The following SCAF4 variants were observed in gnomAD, a reference collection of about 807,000 sequenced individuals.
The protein encoded by SCAF4 is SR-related and CTD-associated factor 4.
Under a neutral mutation model 129.8 loss-of-function variants are expected in SCAF4, and 25 were observed. The ratio of observed to expected loss-of-function variants is 0.19; its 90% CI spans 0.14 to 0.27. The LOEUF (loss-of-function observed/expected upper bound fraction) is 0.27. SCAF4 is among the 10% of genes least tolerant of loss of function. The probability of loss-of-function intolerance (pLI) is 1.00; values close to 1 mark genes in which losing one functional copy is unlikely to be tolerated. For synonymous variants in SCAF4, 551 were observed against 497.7 expected, an observed-to-expected ratio of 1.11 and a Z score of -1.43; for missense variants, 1,246 against 1,457.1, an observed-to-expected ratio of 0.86 and a Z score of 2.36.
At chr21:31,707,985 G>C (rs1872050770) in intron 1 of SCAF4, among the ~76,000 whole-genome samples, 1 of 152,142 alleles carries the variant, frequency 6.6e-6, no homozygotes, top group Middle Eastern at 3.2e-3. Flanking sequence ...TTTAATAAAA[G>C]GATTCTCTAA....
At chr21:31,716,493 A>G (rs1157162781) in intron 1 of SCAF4, among the ~76,000 whole-genome samples, 1 of 152,194 alleles carries the variant, frequency 6.6e-6, no homozygotes, top group East Asian at 1.9e-4. Flanking sequence ...AACTTAATAT[A>G]TCAAAGACAC....
Position 31,696,098 on chromosome 21 carries a change from GA to G in SCAF4, c.1068+14del. The stretch of plus-strand genomic sequence containing the variant: ...GAATAGATCTTTCTTTGAACTGCAA[GA>G]AAAATGCTTGTACCTGATGGTGCAT... On this transcript the variant is annotated intron_variant, in intron 9 of 19. Coordinates refer to ENST00000286835, the MANE Select transcript of SCAF4 (RefSeq NM_020706.2). 1.3e-6 allele frequency: 2 copies of G among 1,579,370 alleles called. No homozygotes were observed. The highest frequency in any genetic ancestry group is 1.7e-6 in the Non-Finnish European group (2 of 1,149,060).
Position 31,671,677 on chromosome 21 carries a change from G to A in SCAF4, c.3166C>T (p.His1056Tyr). Residue 1056 changes from histidine (H) to tyrosine (Y), a missense_variant, in exon 20 of 20, where the codon CAT becomes TAT. Physicochemically the swap from His to Tyr is moderately conservative, Grantham distance 83. Coordinates refer to ENST00000286835, the MANE Select transcript of SCAF4 (RefSeq NM_020706.2). ...CTAGAATCTCTCTCTCTGTCTCGATGCCCACTAGAGCGTCTATTTCTCTCT... is the reference window on the plus strand; with the variant it reads ...CTAGAATCTCTCTCTCTGTCTCGATACCCACTAGAGCGTCTATTTCTCTCT... ...LEERNRRSSG[H>Y]RDRERDSRDR... The A allele has an allele frequency of 6.2e-7, 1 of 1,613,450 alleles. No individual in the cohort carries two copies. Among genetic ancestry groups the A allele is most frequent in the Non-Finnish European group, 8.5e-7 (1 of 1,179,540 alleles).
At chr21:31,685,310 C>T in intron 18 of SCAF4, 70 bp from the exon 19 acceptor site, 5 of 1,493,834 alleles carry the variant, frequency 3.3e-6, no homozygotes, top group Non-Finnish European at 3.7e-6. Flanking sequence ...ATTCTTATGC[C>T]ATACTATAGA....
At chr21:31,687,200 A>T (rs2050146461) in intron 16 of SCAF4, among the ~76,000 whole-genome samples, 4 of 152,248 alleles carry the variant, frequency 2.6e-5, no homozygotes, top group Admixed American at 2.6e-4. Flanking sequence ...AAGGAAGACA[A>T]GAAAAATCCA....
intron 19 of SCAF4, among the ~76,000 whole-genome samples, chr21:31,675,070 T>C (rs945399115): frequency 2.0e-5 from 3 of 152,162 alleles, no homozygotes; most frequent in Non-Finnish European, 2.9e-5. Context: ...AAGACATTAC[T>C]AGCAGCTTTT....
chr21:31,717,691 T>C (rs2050951275), intron 1 of SCAF4, among the ~76,000 whole-genome samples: 1 of 151,546 alleles, frequency 6.6e-6, no homozygotes, highest in African/African-American at 2.4e-5. Flanking sequence ...CTTTCAAAAT[T>C]AGTAAATTTT....
At chr21:31,727,669 G>A (rs2051240267) in intron 1 of SCAF4, among the ~76,000 whole-genome samples, 1 of 151,998 alleles carries the variant, frequency 6.6e-6, no homozygotes, top group African/African-American at 2.4e-5. Context: ...GTGTGCTCCT[G>A]TAGTCCCAGC....
At chr21:31,701,446 T>C (rs1237297825) in intron 6 of SCAF4, among the ~76,000 whole-genome samples, 1 of 152,158 alleles carries the variant, frequency 6.6e-6, no homozygotes, top group Non-Finnish European at 1.5e-5. Context: ...AAAGTAAGCA[T>C]AAGTTTTCTA....
At chr21:31,685,763 C>T (rs561248924) in intron 16 of SCAF4, 30 bp from the exon 17 acceptor site, 1 of 1,539,898 alleles carries the variant, frequency 6.5e-7, no homozygotes, top group Non-Finnish European at 8.7e-7. Context: ...AATAAACCAC[C>T]TATCTAGACA....
chr21:31,671,579 A>G lies in SCAF4; in HGVS notation c.3264T>C (p.Gly1088=), dbSNP rs1306767154. 4 of 1,613,960 alleles carry G rather than the reference A, an allele frequency of 2.5e-6. No individual in the cohort carries two copies. Among genetic ancestry groups the G allele is most frequent in the African/African-American group, 1.3e-5 (1 of 74,890 alleles). The change falls in exon 20 of 20, where the codon GGT becomes GGC. Residue 1088 remains glycine (G), a synonymous_variant. Coordinates refer to ENST00000286835, the MANE Select transcript of SCAF4 (RefSeq NM_020706.2). ...KEKPEVTDRA[G]GNKTVEPPIS... ...TGGGAGGTTCAACGGTTTTGTTACC[A>G]CCTGCCCTGTCTGTCACCTCAGGCT...
chr21:31,700,841 G>A (rs1282169844), intron 7 of SCAF4, 154 bp downstream of exon 7: 2 of 904,210 alleles, frequency 2.2e-6, no homozygotes, highest in Admixed American at 2.0e-5. Context: ...TAAAACCAGG[G>A]AAAATAATCG....
chr21:31,677,258 A>G (rs890332982), intron 19 of SCAF4, among the ~76,000 whole-genome samples: 1 of 151,998 alleles, frequency 6.6e-6, no homozygotes, highest in African/African-American at 2.4e-5. Flanking sequence ...CCTCTCACCT[A>G]CATAACAACC....
intron 7 of SCAF4, chr21:31,700,678 C>T: frequency 2.9e-6 from 1 of 340,344 alleles, no homozygotes; most frequent in South Asian, 3.0e-5. Context: ...AAATGTTACA[C>T]AGTAATCCCC....
chr21:31,715,081 A>G (rs1440208395), intron 1 of SCAF4, among the ~76,000 whole-genome samples: 1 of 152,168 alleles, frequency 6.6e-6, no homozygotes, highest in Non-Finnish European at 1.5e-5. Flanking sequence ...AGCAACACAA[A>G]TTACACTTTT....
rs199989307 is a variant in SCAF4 at position 31,672,290 on chromosome 21, G to A, written c.2553C>T (p.Gly851=). 13 of 1,613,942 alleles carry A rather than the reference G, an allele frequency of 8.1e-6. No individual in the cohort carries two copies. Among genetic ancestry groups the A allele is most frequent in the Admixed American group, 1.7e-5 (1 of 60,020 alleles). Residue 851 remains glycine (G), a synonymous_variant, in exon 20 of 20, where the codon GGC becomes GGT. Transcript: ENST00000286835. The part of the protein sequence containing the change: ...GLQAPSTGLL[G]ARPGLIPLQR... ...GGAGTGGGATGAGACCGGGCCGGGC[G>A]CCAAGAAGACCAGTAGATGGTGCCT...
chr21:31,677,649 C>G lies in SCAF4; in HGVS notation c.2489-5295G>C, dbSNP rs551757618. On this transcript the variant is annotated intron_variant, in intron 19 of 19. Coordinates refer to ENST00000286835, the MANE Select transcript of SCAF4 (RefSeq NM_020706.2). ...CATCTGATAGTTCACCTCTCTCCCC[C>G]TCTTTCCTGCCTAGAAACTCTACTT... 3.1e-3 allele frequency among the ~76,000 whole-genome samples: 471 copies of G among 152,184 alleles called. 4 individuals carry two copies. The highest frequency in any genetic ancestry group is 0.011 in the African/African-American group (446 of 41,532).
chr21:31,728,976 A>G (rs1250922973), intron 1 of SCAF4, among the ~76,000 whole-genome samples: 1 of 152,190 alleles, frequency 6.6e-6, no homozygotes, highest in African/African-American at 2.4e-5. Context: ...GCCAAGGTCC[A>G]TGGATTCCTT....
intron 6 of SCAF4, 47 bp downstream of exon 6, chr21:31,701,729 C>T (rs762350908): frequency 1.3e-6 from 2 of 1,549,262 alleles, no homozygotes; most frequent in Non-Finnish European, 1.7e-6. Context: ...GAAGTGACAA[C>T]AGTACCTAGT....
Sources: gnomAD v4.1 joint callset for allele counts (sites outside exome capture counted in the v4.1 genomes callset) on GRCh38, gnomAD v4.1.1 for gene constraint, MANE v1.5 for transcripts, NCBI Gene and HGNC (gene_info 2026-07-23, HGNC 2026-07-21) for gene names.